The following MAN1A2 variants were observed in gnomAD, a reference collection of about 807,000 sequenced individuals.
The protein encoded by MAN1A2 is mannosyl-oligosaccharide 1,2-alpha-mannosidase IB.
A neutral mutation model predicts 75.7 loss-of-function variants in MAN1A2; 26 were observed. That is an observed-to-expected ratio of 0.34 (90% CI 0.25 to 0.48). MAN1A2 has a LOEUF of 0.48. MAN1A2 is among the 20% of genes least tolerant of loss of function. The probability of loss-of-function intolerance (pLI) is 0.99; values close to 1 mark genes in which losing one functional copy is unlikely to be tolerated. For missense variants in MAN1A2, 562 were observed against 775.5 expected (o/e 0.72, Z 3.27); for synonymous variants, 247 against 264.6 (o/e 0.93, Z 0.65).
In MAN1A2 at chr1:117,402,336, A is replaced by C; in HGVS notation, c.453A>C (p.Lys151Asn). The change falls in exon 2 of 13, where the codon AAA becomes AAC. Residue 151 changes from lysine to asparagine, a missense_variant. Coordinates refer to ENST00000356554, the MANE Select transcript of MAN1A2 (RefSeq NM_006699.5). ...KNKVVQEMKIKENKPLPPVPI... is the reference protein window; with the variant it reads ...KNKVVQEMKINENKPLPPVPI... ...AGGTAGTCCAAGAAATGAAGATAAA[A>C]GAGAACAAGCCACTGCCACCAGTCC... 6.2e-7 allele frequency: 1 copy of C among 1,613,942 alleles called. No homozygotes were observed. The highest frequency in any genetic ancestry group is 8.5e-7 in the Non-Finnish European group (1 of 1,179,856).
chr1:117,410,574 C>T (rs1463529501), intron 3 of MAN1A2, among the ~76,000 whole-genome samples: 1 of 147,930 alleles, frequency 6.8e-6, no homozygotes, highest in East Asian at 2.0e-4. Context: ...TTTTATGTAA[C>T]ATTGTACTGG....
At chr1:117,463,192 GAAGGAAAA>G (rs1343045078) in intron 7 of MAN1A2, among the ~76,000 whole-genome samples, 6 of 151,486 alleles carry the variant, frequency 4.0e-5, no homozygotes, top group Middle Eastern at 3.4e-3. Flanking sequence ...GGCAATAAAA[GAAGGAAAA>G]AATGTAACTT....
rs1652055202 is a variant in MAN1A2, at chr1:117,527,226, C to G, written c.*4269C>G. ...TTAGGCTATGAGAGCTATACAGTCT[C>G]TCTTATTACTCATTTCTGCTGTTGA... On this transcript the variant is annotated 3_prime_UTR_variant, in exon 13 of 13. Transcript: ENST00000356554. The G allele has an allele frequency of 6.6e-6, 1 of 151,742 alleles. No homozygotes were observed. The highest frequency in any genetic ancestry group is 6.6e-5 in the Admixed American group (1 of 15,182). The allele number at this position is 151,742 out of a possible 1,614,324, so 9.4% of individuals were successfully genotyped here.
At chr1:117,407,188 A>G (rs1256136573) in intron 3 of MAN1A2, among the ~76,000 whole-genome samples, 2 of 152,060 alleles carry the variant, frequency 1.3e-5, no homozygotes, top group Non-Finnish European at 2.9e-5. Flanking sequence ...GAGTGGTTAC[A>G]GTTTCTTTTC....
At chr1:117,381,742 A>G (rs1258642520) in intron 1 of MAN1A2, among the ~76,000 whole-genome samples, 4 of 151,934 alleles carry the variant, frequency 2.6e-5, no homozygotes, top group Admixed American at 6.5e-5. Context: ...CTAGTTCTAG[A>G]TCCCTGAGGA....
intron 7 of MAN1A2, among the ~76,000 whole-genome samples, chr1:117,465,824 G>C (rs1205345096): frequency 6.6e-6 from 1 of 151,952 alleles, no homozygotes; most frequent in East Asian, 1.9e-4. Context: ...GGAATTTCAG[G>C]AACTTAAAGA....
At chr1:117,384,822 A>G (rs12562003) in intron 1 of MAN1A2, among the ~76,000 whole-genome samples, 32,881 of 152,082 alleles carry the variant, frequency 0.22, 4,660 homozygotes, top group East Asian at 0.42. Flanking sequence ...TCAGGTTATG[A>G]AGATACCATC....
At position 117,402,537 on chromosome 1, in the gene MAN1A2, T is replaced by C. The variant is rs1025744631; in HGVS notation, c.558+96T>C. The C allele has an allele frequency of 2.5e-6, 3 of 1,194,302 alleles. No individual in the cohort carries two copies. The African/African-American group carries it at 4.7e-5, about 19-fold the overall frequency. 74.0% of individuals were successfully genotyped at this position (1,194,302 alleles called of 1,614,324 possible). On this transcript the variant is annotated intron_variant, in intron 2 of 12. Coordinates refer to ENST00000356554, the MANE Select transcript of MAN1A2 (RefSeq NM_006699.5). ...CTATGGTATCCTGTTTTGATCTGTT[T>C]ATTCTTGGGTCATAGTTGTAGTATA...
chr1:117,507,759 CTTGG>C (rs1481127590), intron 12 of MAN1A2, among the ~76,000 whole-genome samples: 1 of 151,610 alleles, frequency 6.6e-6, no homozygotes, highest in Non-Finnish European at 1.5e-5. Context: ...TTTAAAGACA[CTTGG>C]TTGGAGTCTT....
chr1:117,410,164 C>T lies in MAN1A2; in HGVS notation c.655+4519C>T, dbSNP rs143846900. 7.2e-4 allele frequency among the ~76,000 whole-genome samples: 110 copies of T among 151,824 alleles called. 1 individual carries two copies. Among genetic ancestry groups the T allele is most frequent in the African/African-American group, 2.6e-3 (109 of 41,476 alleles). ...AAAATTATTTTCCCCAAATATTTTCCGTCTACCGTTGGTTGAACCTGTGGA... is the reference window on the plus strand; with the variant it reads ...AAAATTATTTTCCCCAAATATTTTCTGTCTACCGTTGGTTGAACCTGTGGA... On this transcript the variant is annotated intron_variant, in intron 3 of 12. Transcript: ENST00000356554.
intron 8 of MAN1A2, among the ~76,000 whole-genome samples, 188 bp from the exon 9 acceptor site, chr1:117,492,959 A>T (rs1286578614): frequency 6.6e-6 from 1 of 152,152 alleles, no homozygotes; most frequent in Non-Finnish European, 1.5e-5. Context: ...TTGGATACAC[A>T]TATAGAGGAA....
intron 1 of MAN1A2, among the ~76,000 whole-genome samples, chr1:117,389,623 G>C (rs1570703392): frequency 6.6e-6 from 1 of 152,084 alleles, no homozygotes; most frequent in Admixed American, 6.5e-5. Flanking sequence ...CTGTATACTG[G>C]GGTAGTGATT....
At chr1:117,486,282 G>T (rs888526150) in intron 8 of MAN1A2, among the ~76,000 whole-genome samples, 1 of 151,900 alleles carries the variant, frequency 6.6e-6, no homozygotes, top group Non-Finnish European at 1.5e-5. Context: ...TACCCCAAAA[G>T]TTAAGATATT....
At chr1:117,488,202 A>G (rs1484907422) in intron 8 of MAN1A2, among the ~76,000 whole-genome samples, 1 of 148,508 alleles carries the variant, frequency 6.7e-6, no homozygotes, top group African/African-American at 2.5e-5. Flanking sequence ...ATCTTAGTTG[A>G]AAGCAAATGG....
chr1:117,417,557 A>ATATG (rs1214425551), intron 4 of MAN1A2, among the ~76,000 whole-genome samples: 1 of 140,746 alleles, frequency 7.1e-6, no homozygotes, highest in African/African-American at 2.6e-5. Context: ...ATATATATAT[A>ATATG]TGTGATATAT....
chr1:117,419,343 G>C (rs1648113371), intron 4 of MAN1A2, among the ~76,000 whole-genome samples: 1 of 152,082 alleles, frequency 6.6e-6, no homozygotes, highest in African/African-American at 2.4e-5. Flanking sequence ...ATTCTGGTAA[G>C]AGATGGAGGC....
intron 12 of MAN1A2, among the ~76,000 whole-genome samples, chr1:117,518,624 C>T (rs576501080): frequency 1.3e-5 from 2 of 152,132 alleles, no homozygotes; most frequent in Admixed American, 6.6e-5. Context: ...TCTTGTCCAA[C>T]AGGAAAATAT....
intron 6 of MAN1A2, among the ~76,000 whole-genome samples, chr1:117,455,126 A>G (rs974794579): frequency 1.3e-5 from 2 of 152,190 alleles, no homozygotes; most frequent in African/African-American, 4.8e-5. Flanking sequence ...TCAATAGGAT[A>G]TAGGTAAATA....
At chr1:117,434,756 TG>T (rs1648796521) in intron 5 of MAN1A2, among the ~76,000 whole-genome samples, 1 of 93,830 alleles carries the variant, frequency 1.1e-5, no homozygotes, top group African/African-American at 6.2e-5. Context: ...GCTGTGTGTG[TG>T]TGTGTGTGTG....
Sources: allele counts gnomAD v4.1 joint callset (sites outside exome capture counted in the v4.1 genomes callset), GRCh38; gene constraint gnomAD v4.1.1; transcripts MANE v1.5; gene names NCBI Gene and HGNC (gene_info 2026-07-23, HGNC 2026-07-21).